The following CHODL variants were observed in gnomAD, a reference collection of about 807,000 sequenced individuals.
CHODL encodes chondrolectin, also known as transmembrane protein MT75.
A neutral mutation model predicts 34.5 loss-of-function variants in CHODL; 29 were observed. That is an observed-to-expected ratio of 0.84 (90% CI 0.63 to 1.15). CHODL has a LOEUF of 1.15. CHODL is among the 50% of genes most tolerant of loss of function. The pLI is 0.00. For synonymous variants in CHODL, 125 were observed against 116.1 expected, an observed-to-expected ratio of 1.08 and a Z score of -0.49; for missense variants, 332 against 332.5, an observed-to-expected ratio of 1.00 and a Z score of 0.01.
chr21:17,976,437 CAT>C (rs1291833801), intron 1 of CHODL, among the ~76,000 whole-genome samples: 1 of 152,042 alleles, frequency 6.6e-6, no homozygotes, highest in Non-Finnish European at 1.5e-5. Flanking sequence ...TAAGGTCAAA[CAT>C]AATACTTATA....
intron 2 of CHODL, among the ~76,000 whole-genome samples, chr21:18,153,653 A>C (rs576060457): frequency 2.0e-5 from 3 of 152,286 alleles, no homozygotes; most frequent in Non-Finnish European, 4.4e-5. Context: ...CCACTTTGGC[A>C]TAAGGATTAT....
chr21:17,992,956 G>A (rs1310472777), intron 1 of CHODL, among the ~76,000 whole-genome samples: 1 of 151,710 alleles, frequency 6.6e-6, no homozygotes, highest in Non-Finnish European at 1.5e-5. Context: ...CCCGGCCGAG[G>A]GTTTTTATTT....
At chr21:18,036,179 A>G (rs2064307697) in intron 2 of CHODL, among the ~76,000 whole-genome samples, 1 of 152,016 alleles carries the variant, frequency 6.6e-6, no homozygotes, top group African/African-American at 2.4e-5. Context: ...TACTAAGGCA[A>G]TACCTTTCTG....
intron 2 of CHODL, among the ~76,000 whole-genome samples, chr21:18,031,565 A>G (rs1236053033): frequency 1.3e-5 from 2 of 151,962 alleles, no homozygotes; most frequent in Non-Finnish European, 2.9e-5. Context: ...ATGCCATTAC[A>G]TTTGCCATTG....
At chr21:18,012,171 T>G (rs983269923) in intron 1 of CHODL, among the ~76,000 whole-genome samples, 1 of 152,146 alleles carries the variant, frequency 6.6e-6, no homozygotes, top group African/African-American at 2.4e-5. Flanking sequence ...ATGGTGTGAG[T>G]GTTTGGGCAT....
chr21:17,939,882 G>A (rs968296983), intron 1 of CHODL, among the ~76,000 whole-genome samples: 14 of 152,104 alleles, frequency 9.2e-5, no homozygotes, highest in African/African-American at 1.9e-4. Flanking sequence ...ATTTTATTAC[G>A]TGTCTTATAA....
At chr21:18,063,565 C>T (rs2064694877) in intron 2 of CHODL, among the ~76,000 whole-genome samples, 1 of 152,042 alleles carries the variant, frequency 6.6e-6, no homozygotes, top group African/African-American at 2.4e-5. Context: ...CAGGCTCATA[C>T]TGTTTGAGAA....
intron 1 of CHODL, among the ~76,000 whole-genome samples, chr21:17,958,924 TG>T: frequency 6.6e-6 from 1 of 152,256 alleles, no homozygotes; most frequent in Non-Finnish European, 1.5e-5. Flanking sequence ...CTGATTTCCT[TG>T]TCTTCTCTGG....
At chr21:18,031,073 C>T (rs145826864) in intron 2 of CHODL, among the ~76,000 whole-genome samples, 30 of 152,214 alleles carry the variant, frequency 2.0e-4, no homozygotes, top group Non-Finnish European at 3.8e-4. Context: ...AATTAGAATG[C>T]AGTCAAAATT....
At chr21:17,999,501 G>C (rs1203280994) in intron 1 of CHODL, among the ~76,000 whole-genome samples, 1 of 152,022 alleles carries the variant, frequency 6.6e-6, no homozygotes, top group Admixed American at 6.6e-5. Flanking sequence ...ACACATACGT[G>C]AAACTGTGGA....
At position 17,951,107 on chromosome 21, in the gene CHODL, C is replaced by CGTGTGTGT. The variant is rs3073722; in HGVS notation, c.-145+33732_-145+33739dup. ...ATGTGTGTGTATATATTACTCTATA[C>CGTGTGTGT]GTGTGTGTGTGTGTGTGTGTGTGTG... is the stretch of plus-strand genomic sequence containing the variant. On this transcript the variant is annotated intron_variant, in intron 1 of 6. Transcript: ENST00000400127. Among the ~76,000 whole-genome samples, 1,110 of 149,126 alleles carry CGTGTGTGT rather than the reference C, an allele frequency of 7.4e-3. 11 individuals are homozygous for CGTGTGTGT. Among genetic ancestry groups the CGTGTGTGT allele is most frequent in the African/African-American group, 0.015 (609 of 40,564 alleles).
At chr21:18,211,419 A>G (rs1014329707) in intron 2 of CHODL, among the ~76,000 whole-genome samples, 1 of 152,222 alleles carries the variant, frequency 6.6e-6, no homozygotes, top group Non-Finnish European at 1.5e-5. Flanking sequence ...AGAGGAAAGC[A>G]TGTCAAATTA....
At chr21:18,093,062 A>G (rs1199434052) in intron 2 of CHODL, among the ~76,000 whole-genome samples, 1 of 152,230 alleles carries the variant, frequency 6.6e-6, no homozygotes, top group Admixed American at 6.5e-5. Flanking sequence ...AAGGTCAAGT[A>G]TCAAAAAGGG....
At chr21:18,022,690 C>T (rs1307701587) in intron 1 of CHODL, among the ~76,000 whole-genome samples, 1 of 152,188 alleles carries the variant, frequency 6.6e-6, no homozygotes, top group African/African-American at 2.4e-5. Flanking sequence ...TCCAAGAAAT[C>T]CTTCATGCCC....
chr21:18,188,755 T>C (rs1353812402), intron 2 of CHODL, among the ~76,000 whole-genome samples: 1 of 152,186 alleles, frequency 6.6e-6, no homozygotes. Flanking sequence ...ACCTAAATAA[T>C]AGACAGAGAG....
At chr21:17,926,792 C>T (rs2063226824) in intron 1 of CHODL, among the ~76,000 whole-genome samples, 2 of 152,004 alleles carry the variant, frequency 1.3e-5, no homozygotes, top group African/African-American at 4.8e-5. Context: ...CTAAAGTGAT[C>T]GTACTTGAAT....
At chr21:17,951,883 A>G (rs776247128) in intron 1 of CHODL, among the ~76,000 whole-genome samples, 1 of 152,212 alleles carries the variant, frequency 6.6e-6, no homozygotes, top group Non-Finnish European at 1.5e-5. Flanking sequence ...AATATTGGAT[A>G]GAAAAGAGAA....
chr21:17,956,384 A>G lies in CHODL; in HGVS notation c.-145+38984A>G, dbSNP rs760059928. Among the ~76,000 whole-genome samples, 34 of 136,416 alleles carry G rather than the reference A, an allele frequency of 2.5e-4. 10 individuals are homozygous for G. Among genetic ancestry groups the G allele is most frequent in the Non-Finnish European group, 5.0e-4 (30 of 60,046 alleles). 89.5% of individuals were successfully genotyped at this position (136,416 alleles called of 152,430 possible). A position where few individuals can be genotyped will look rare whatever the true frequency, so the allele number is the denominator to read the frequency against. Reference sequence around the variant, plus strand: ...CCCCCCAGAAGCAGATGCTAGCACTATGCTTCCTGCACAGCCTCCAGAACT... The same window carrying G: ...CCCCCCAGAAGCAGATGCTAGCACTGTGCTTCCTGCACAGCCTCCAGAACT... On this transcript the variant is annotated intron_variant, in intron 1 of 6. Coordinates refer to the CHODL transcript ENST00000400127.
intron 1 of CHODL, among the ~76,000 whole-genome samples, chr21:17,935,671 T>C (rs1455187912): frequency 6.6e-6 from 1 of 152,222 alleles, no homozygotes; most frequent in African/African-American, 2.4e-5. Context: ...AGTAGAAATA[T>C]CTATACCAGC....
Sources: gnomAD v4.1 joint callset for allele counts (sites outside exome capture counted in the v4.1 genomes callset) on GRCh38, gnomAD v4.1.1 for gene constraint, MANE v1.5 for transcripts, NCBI Gene and HGNC (gene_info 2026-07-23, HGNC 2026-07-21) for gene names.